The following NUDCD1 variants were observed in gnomAD, a reference collection of about 807,000 sequenced individuals.
NUDCD1 encodes the protein nudC domain-containing protein 1.
A neutral mutation model predicts 67.8 loss-of-function variants in NUDCD1; 60 were observed. The observed-to-expected ratio is 0.88, with a 90% CI of 0.72 to 1.10. The LOEUF (loss-of-function observed/expected upper bound fraction) is 1.10, where lower values mean the gene tolerates loss of function less well. Ranked by LOEUF, NUDCD1 falls within the 50% of genes least tolerant of loss-of-function variation. NUDCD1 has a pLI of 0.00. For missense variants in NUDCD1, 643 were observed against 695.0 expected (o/e 0.93, Z 0.84); for synonymous variants, 244 against 230.8 (o/e 1.06, Z -0.52).
chr8:109,245,462 T>C lies in NUDCD1; in HGVS notation c.1319A>G (p.Gln440Arg), dbSNP rs1661883908. 2.5e-6 allele frequency: 4 copies of C among 1,608,240 alleles called. No homozygotes were observed. The highest frequency in any genetic ancestry group is 3.4e-6 in the Non-Finnish European group (4 of 1,178,072). The change falls in exon 9 of 10, where the codon CAG becomes CGG. Residue 440 changes from glutamine (Q) to arginine (R), a missense_variant. Physicochemically the swap from Gln to Arg is conservative, Grantham distance 43. Coordinates refer to ENST00000239690, the MANE Select transcript of NUDCD1 (RefSeq NM_032869.4). ...ATCCACTATGACAGAGAAAAGGTAC[T>C]GGTTGCTTCCAAGATTCACCTAAAA... ...TTHVVNLGSN[Q>R]YLFSVIVDPK...
intron 5 of NUDCD1, among the ~76,000 whole-genome samples, chr8:109,287,354 C>T (rs1237515112): frequency 2.6e-5 from 4 of 152,140 alleles, no homozygotes; most frequent in Non-Finnish European, 5.9e-5. Flanking sequence ...CATCACAGCA[C>T]TATTCACCAC....
intron 8 of NUDCD1, among the ~76,000 whole-genome samples, chr8:109,250,013 T>C (rs1003600492): frequency 6.6e-6 from 1 of 151,832 alleles, no homozygotes; most frequent in Non-Finnish European, 1.5e-5. Flanking sequence ...GCCTGGGGAA[T>C]TTTTTTATTT....
intron 2 of NUDCD1, among the ~76,000 whole-genome samples, chr8:109,306,361 A>G (rs1330588493): frequency 6.6e-6 from 1 of 151,866 alleles, no homozygotes; most frequent in Non-Finnish European, 1.5e-5. Flanking sequence ...CTCCCCAGCT[A>G]TCTCTGCCAC....
At chr8:109,287,405 G>T (rs1814601048) in intron 5 of NUDCD1, among the ~76,000 whole-genome samples, 1 of 152,048 alleles carries the variant, frequency 6.6e-6, no homozygotes, top group South Asian at 2.1e-4. Context: ...ATCAACAGTG[G>T]ACTGAATAAA....
chr8:109,333,466 G>A (rs1586320823), intron 1 of NUDCD1, among the ~76,000 whole-genome samples: 2 of 152,162 alleles, frequency 1.3e-5, no homozygotes, highest in South Asian at 4.1e-4. Flanking sequence ...AACGGCTCTC[G>A]GTCAGAGGAA....
intron 2 of NUDCD1, among the ~76,000 whole-genome samples, chr8:109,299,691 C>G (rs1021916712): frequency 2.6e-4 from 39 of 152,322 alleles, no homozygotes; most frequent in Non-Finnish European, 5.0e-4. Context: ...AGACAAAAGG[C>G]ATATACTCTT....
At chr8:109,291,333 C>T (rs116640963) in intron 4 of NUDCD1, among the ~76,000 whole-genome samples, 77 of 152,146 alleles carry the variant, frequency 5.1e-4, no homozygotes, top group African/African-American at 1.6e-3. Context: ...TTTGTAGAGA[C>T]GGTGGCTCAC....
intron 2 of NUDCD1, chr8:109,313,826 G>T: frequency 1.8e-6 from 2 of 1,099,354 alleles, no homozygotes; most frequent in Non-Finnish European, 2.5e-6. Flanking sequence ...GTTGCTAGAA[G>T]TCTAATTATC....
chr8:109,255,614 A>G (rs529966313), intron 8 of NUDCD1, among the ~76,000 whole-genome samples: 1 of 151,916 alleles, frequency 6.6e-6, no homozygotes, highest in African/African-American at 2.4e-5. Flanking sequence ...TGGAGGATAC[A>G]TATAAATGTT....
chr8:109,310,334 A>G (rs1815213439), intron 2 of NUDCD1, among the ~76,000 whole-genome samples: 1 of 152,254 alleles, frequency 6.6e-6, no homozygotes, highest in Non-Finnish European at 1.5e-5. Flanking sequence ...CAGCCAACTA[A>G]TCTTCGACAA....
At chr8:109,245,551 G>A in intron 8 of NUDCD1, 70 bp from the exon 9 acceptor site, 1 of 1,222,358 alleles carries the variant, frequency 8.2e-7, no homozygotes, top group Non-Finnish European at 1.2e-6. Flanking sequence ...AATGGCAGAA[G>A]CTGACAGCCA....
intron 2 of NUDCD1, among the ~76,000 whole-genome samples, chr8:109,319,888 G>C (rs1815492166): frequency 6.6e-6 from 1 of 152,176 alleles, no homozygotes; most frequent in Non-Finnish European, 1.5e-5. Context: ...GTACAAAAGA[G>C]AGAAATTTTA....
At chr8:109,311,559 G>GTGTGTGTATATATA in intron 2 of NUDCD1, among the ~76,000 whole-genome samples, 3 of 125,166 alleles carry the variant, frequency 2.4e-5, no homozygotes, top group Admixed American at 7.5e-5. Flanking sequence ...AAACTGTGGT[G>GTGTGTGTATATATA]TATATATATA....
intron 4 of NUDCD1, among the ~76,000 whole-genome samples, chr8:109,292,226 T>C (rs1046753404): frequency 1.3e-5 from 2 of 152,170 alleles, no homozygotes; most frequent in Non-Finnish European, 2.9e-5. Context: ...CATACTCGGA[T>C]AGCTGTGACA....
chr8:109,315,942 C>T (rs184653111), intron 2 of NUDCD1: 6 of 152,126 alleles, frequency 3.9e-5, no homozygotes, highest in Non-Finnish European at 8.8e-5. Flanking sequence ...ACATGTCACT[C>T]CAAGATGCAA....
At chr8:109,322,061 A>G (rs1335137848) in intron 2 of NUDCD1, among the ~76,000 whole-genome samples, 1 of 152,168 alleles carries the variant, frequency 6.6e-6, no homozygotes, top group East Asian at 1.9e-4. Flanking sequence ...ATCAGTATTA[A>G]TAATATATAA....
At chr8:109,249,103 A>G (rs1268798186) in intron 8 of NUDCD1, among the ~76,000 whole-genome samples, 1 of 152,206 alleles carries the variant, frequency 6.6e-6, no homozygotes. Context: ...TAGGATATTT[A>G]AACCATTTTA....
At chr8:109,297,288 AG>A (rs1814867570) in intron 2 of NUDCD1, among the ~76,000 whole-genome samples, 1 of 152,230 alleles carries the variant, frequency 6.6e-6, no homozygotes, top group South Asian at 2.1e-4. Flanking sequence ...CACTACATTT[AG>A]CCTACTATGA....
At chr8:109,302,443 C>T (rs77285336) in intron 2 of NUDCD1, among the ~76,000 whole-genome samples, 2 of 152,146 alleles carry the variant, frequency 1.3e-5, no homozygotes, top group African/African-American at 4.8e-5. Context: ...TGGGAATCCT[C>T]CTTTTCTACA....
Sources: allele counts gnomAD v4.1 joint callset (sites outside exome capture counted in the v4.1 genomes callset), GRCh38; gene constraint gnomAD v4.1.1; transcripts MANE v1.5; gene names NCBI Gene and HGNC (gene_info 2026-07-23, HGNC 2026-07-21).